LARP1B: variants seen among roughly 807,000 people sequenced by gnomAD.
The protein encoded by LARP1B is La ribonucleoprotein 1B, also known as la-related protein 1B.
LARP1B carries 76 observed loss-of-function variants against 114.2 expected under a neutral mutation model. The observed-to-expected ratio is 0.67, with a 90% CI of 0.55 to 0.81. The LOEUF (loss-of-function observed/expected upper bound fraction) is 0.81, where lower values mean the gene tolerates loss of function less well. Among genes scored for constraint, LARP1B ranks in the 30% least tolerant of loss-of-function variants. LARP1B has a pLI of 0.00. For missense variants in LARP1B, 1,014 were observed against 1,075.8 expected, an observed-to-expected ratio of 0.94 and a Z score of 0.80; for synonymous variants, 345 against 348.0, an observed-to-expected ratio of 0.99 and a Z score of 0.10.
exon 8 of LARP1B, chr4:128,222,412 T>C (rs754507341): frequency 2.0e-5 from 9 of 456,506 alleles, no homozygotes; most frequent in Non-Finnish European, 4.0e-5. Flanking sequence ...GATATGAGAA[T>C]CTGCCTTCCT....
intron 7 of LARP1B, among the ~76,000 whole-genome samples, chr4:128,221,285 A>G (rs1760009790): frequency 6.6e-6 from 1 of 152,196 alleles, no homozygotes; most frequent in Non-Finnish European, 1.5e-5. Context: ...TTTATTTAGA[A>G]TTTGCTTAGA....
intron 8 of LARP1B, among the ~76,000 whole-genome samples, chr4:128,099,528 T>TAA (rs1779516850): frequency 6.6e-6 from 1 of 152,044 alleles, no homozygotes; most frequent in South Asian, 2.1e-4. Context: ...ATTTTTCACT[T>TAA]AGTATTGTGC....
chr4:128,086,427 C>T (rs1014365925), intron 5 of LARP1B, among the ~76,000 whole-genome samples: 1 of 152,150 alleles, frequency 6.6e-6, no homozygotes, highest in Non-Finnish European at 1.5e-5. Flanking sequence ...TTCCTAGGCT[C>T]AAGCGATTCT....
At chr4:128,153,936 C>G (rs1379475016) in intron 11 of LARP1B, among the ~76,000 whole-genome samples, 1 of 152,182 alleles carries the variant, frequency 6.6e-6, no homozygotes, top group Non-Finnish European at 1.5e-5. Flanking sequence ...ATCGTAACTT[C>G]TAACATGCAG....
intron 8 of LARP1B, among the ~76,000 whole-genome samples, chr4:128,101,231 T>C (rs1002339152): frequency 6.6e-6 from 1 of 151,518 alleles, no homozygotes; most frequent in African/African-American, 2.4e-5. Flanking sequence ...CCCAGCACTT[T>C]GGGAGGCCAA....
intron 15 of LARP1B, among the ~76,000 whole-genome samples, chr4:128,181,069 A>G (rs1351251853): frequency 6.6e-6 from 1 of 152,112 alleles, no homozygotes; most frequent in Non-Finnish European, 1.5e-5. Flanking sequence ...TTTGCTTTTT[A>G]TAACCCAGTC....
chr4:128,099,269 C>G (rs929679988), intron 8 of LARP1B, among the ~76,000 whole-genome samples: 3 of 150,562 alleles, frequency 2.0e-5, no homozygotes, highest in Admixed American at 1.3e-4. Flanking sequence ...AATCACTAAT[C>G]TGCTTTTTCT....
upstream of LARP1B, among the ~76,000 whole-genome samples, chr4:128,061,056 G>GC (rs1340133481): frequency 1.3e-5 from 2 of 152,008 alleles, no homozygotes; most frequent in Non-Finnish European, 2.9e-5. Flanking sequence ...TGCGCGCTCC[G>GC]CCCCTGAGCC....
chr4:128,115,259 A>G (rs1386963003), intron 10 of LARP1B, among the ~76,000 whole-genome samples: 1 of 152,168 alleles, frequency 6.6e-6, no homozygotes, highest in Non-Finnish European at 1.5e-5. Context: ...TTTATTTCTG[A>G]ACATGATTTA....
intron 1 of LARP1B, among the ~76,000 whole-genome samples, chr4:128,071,693 A>G (rs1765435500): frequency 6.6e-6 from 1 of 152,170 alleles, no homozygotes; most frequent in Non-Finnish European, 1.5e-5. Context: ...AAGTGCTGGG[A>G]TTACAGGCAT....
intron 11 of LARP1B, among the ~76,000 whole-genome samples, chr4:128,134,490 A>G (rs996248935): frequency 2.6e-5 from 4 of 152,216 alleles, no homozygotes; most frequent in African/African-American, 9.6e-5. Context: ...AAATTATAGA[A>G]CATTTAGAAG....
chr4:128,107,948 C>T (rs1257613297), intron 9 of LARP1B: 6 of 1,534,308 alleles, frequency 3.9e-6, no homozygotes, highest in Non-Finnish European at 5.2e-6. Flanking sequence ...GAATAGGTGA[C>T]TCACTGAAAT....
At chr4:128,198,096 G>A (rs1754848790) in intron 15 of LARP1B, among the ~76,000 whole-genome samples, 1 of 151,944 alleles carries the variant, frequency 6.6e-6, no homozygotes, top group African/African-American at 2.4e-5. Flanking sequence ...TGTTGGCCAG[G>A]CTGGTCTCGA....
intron 1 of LARP1B, among the ~76,000 whole-genome samples, chr4:128,068,790 C>T (rs1162721437): frequency 6.6e-6 from 1 of 151,992 alleles, no homozygotes; most frequent in Non-Finnish European, 1.5e-5. Flanking sequence ...TGACATATAA[C>T]CCCCTAACAA....
At chr4:128,066,457 C>T (rs372313204) in intron 1 of LARP1B, among the ~76,000 whole-genome samples, 3 of 149,290 alleles carry the variant, frequency 2.0e-5, no homozygotes, top group African/African-American at 4.9e-5. Flanking sequence ...GGATTACAAG[C>T]GTGAGCCACT....
intron 9 of LARP1B, among the ~76,000 whole-genome samples, chr4:128,112,717 G>T (rs145130357): frequency 6.6e-6 from 1 of 151,512 alleles, no homozygotes; most frequent in Non-Finnish European, 1.5e-5. Context: ...TAGGTGATCC[G>T]CCCACCTCGG....
chr4:128,122,366 T>A, intron 11 of LARP1B, 178 bp downstream of exon 11: 1 of 1,461,588 alleles, frequency 6.8e-7, no homozygotes, highest in South Asian at 1.4e-5. Flanking sequence ...AATCGTTTTA[T>A]TTTATGAAAG....
chr4:128,214,441 C>T (rs960330845), downstream of LARP1B, among the ~76,000 whole-genome samples: 7 of 150,606 alleles, frequency 4.6e-5, no homozygotes, highest in South Asian at 6.3e-4. Flanking sequence ...TCTCCCAGCA[C>T]GCAGCTGGAG....
intron 11 of LARP1B, among the ~76,000 whole-genome samples, chr4:128,142,601 C>T (rs188033360): frequency 3.7e-4 from 56 of 151,822 alleles, no homozygotes; most frequent in Admixed American, 5.9e-4. Context: ...CTCTGCCTCC[C>T]GGGTTCAAGC....
Sources: gnomAD v4.1 joint callset for allele counts (sites outside exome capture counted in the v4.1 genomes callset) on GRCh38, gnomAD v4.1.1 for gene constraint, MANE v1.5 for transcripts, NCBI Gene and HGNC (gene_info 2026-07-23, HGNC 2026-07-21) for gene names.